Variants in GRK5 observed in about 807,000 individuals in gnomAD.
GRK5 encodes the protein g protein-coupled receptor kinase GRK5.
Under a neutral mutation model 78.4 loss-of-function variants are expected in GRK5, and 40 were observed. The observed-to-expected ratio is 0.51, with a 90% CI of 0.40 to 0.66. The LOEUF is 0.66. Among genes scored for constraint, GRK5 ranks in the 30% least tolerant of loss-of-function variants. The pLI is 0.00. For synonymous variants in GRK5, 289 were observed against 296.8 expected, an observed-to-expected ratio of 0.97 and a Z score of 0.27; for missense variants, 598 against 759.9, an observed-to-expected ratio of 0.79 and a Z score of 2.50.
At chr10:119,444,897 A>C (rs1182061271) in intron 12 of GRK5, among the ~76,000 whole-genome samples, 1 of 152,202 alleles carries the variant, frequency 6.6e-6, no homozygotes, top group Non-Finnish European at 1.5e-5. Flanking sequence ...TAAAAGTCGC[A>C]ATGCTTCTGC....
intron 2 of GRK5, among the ~76,000 whole-genome samples, chr10:119,356,876 C>T (rs575284129): frequency 3.0e-4 from 46 of 152,346 alleles, no homozygotes; most frequent in Admixed American, 9.8e-4. Context: ...ACTGATAAAA[C>T]GATAAAGGCT....
intron 1 of GRK5, among the ~76,000 whole-genome samples, chr10:119,226,079 C>G (rs1334141311): frequency 6.6e-6 from 1 of 151,808 alleles, no homozygotes; most frequent in Non-Finnish European, 1.5e-5. Context: ...GATCTCCCGA[C>G]CTCATGATCC....
At chr10:119,418,690 C>T (rs758398149) in intron 4 of GRK5, among the ~76,000 whole-genome samples, 1 of 152,198 alleles carries the variant, frequency 6.6e-6, no homozygotes, top group African/African-American at 2.4e-5. Flanking sequence ...CTCCCCTGCT[C>T]CTTCCAGTTA....
chr10:119,255,666 G>A (rs1006874466), intron 1 of GRK5, among the ~76,000 whole-genome samples: 6 of 152,210 alleles, frequency 3.9e-5, no homozygotes, highest in East Asian at 1.9e-4. Flanking sequence ...GCCTCTGGCC[G>A]TTCCCGCCAT....
At chr10:119,373,281 G>C (rs1589770755) in intron 2 of GRK5, among the ~76,000 whole-genome samples, 1 of 152,204 alleles carries the variant, frequency 6.6e-6, no homozygotes, top group Non-Finnish European at 1.5e-5. Context: ...TTCTGATTCA[G>C]TCAGTAGGTG....
rs762165768 is a variant in GRK5 at position 119,415,081 on chromosome 10, CAAAAAA to C, written c.340-8068_340-8063del. Among the ~76,000 whole-genome samples, 159 of 75,740 alleles carry C rather than the reference CAAAAAA, an allele frequency of 2.1e-3. 3 individuals are homozygous for C. The East Asian group carries it at 0.031, about 15-fold the overall frequency. The allele number at this position is 75,740 out of a possible 152,430, so 49.7% of individuals were successfully genotyped here. A position where few individuals can be genotyped will look rare whatever the true frequency, so the allele number is the denominator to read the frequency against. On this transcript the variant is annotated intron_variant, in intron 4 of 15. Transcript: ENST00000392870. ...TGGGTGACAGAGTGAGACTCTGTCT[CAAAAAA>C]AAAAAAAAAAAAAAAAGAAAAAGAA...
rs952265161 is a variant in GRK5, at chr10:119,343,926, G to T, written c.148+17315G>T. On this transcript the variant is annotated intron_variant, in intron 2 of 15. Transcript: ENST00000392870. Reference sequence around the variant, plus strand: ...ACCCACTGTGTACGGCGTTTCTCAAGTATCCAGCCCAGGACTTGGGATGTA... The same window carrying T: ...ACCCACTGTGTACGGCGTTTCTCAATTATCCAGCCCAGGACTTGGGATGTA... 6.6e-5 allele frequency among the ~76,000 whole-genome samples: 10 copies of T among 152,188 alleles called. No homozygotes were observed. The East Asian group carries it at 1.9e-3, about 29-fold the overall frequency.
intron 1 of GRK5, among the ~76,000 whole-genome samples, chr10:119,275,613 GCACA>G (rs796867686): frequency 0.028 from 3,373 of 120,572 alleles, 42 homozygotes; most frequent in Non-Finnish European, 0.033. Context: ...TCTCTCTCTC[GCACA>G]CACACACACA....
intron 1 of GRK5, among the ~76,000 whole-genome samples, chr10:119,209,476 G>T (rs1848445343): frequency 7.0e-6 from 1 of 142,066 alleles, no homozygotes. Flanking sequence ...TGAGCTGTGT[G>T]TGTGTGTGTG....
intron 6 of GRK5, among the ~76,000 whole-genome samples, chr10:119,427,598 A>G (rs1056604665): frequency 7.7e-4 from 116 of 150,624 alleles, no homozygotes; most frequent in Non-Finnish European, 1.5e-3. Flanking sequence ...CAGCATCATC[A>G]CCATCATCAG....
At chr10:119,345,160 G>T (rs1341937020) in intron 2 of GRK5, among the ~76,000 whole-genome samples, 1 of 151,948 alleles carries the variant, frequency 6.6e-6, no homozygotes, top group East Asian at 1.9e-4. Context: ...AGTAGAGACG[G>T]GATTTCACCG....
chr10:119,413,819 G>A (rs779229212), intron 4 of GRK5, among the ~76,000 whole-genome samples: 9 of 152,146 alleles, frequency 5.9e-5, no homozygotes, highest in Admixed American at 1.3e-4. Context: ...GGCCGTGACT[G>A]TTAGGCCGGC....
chr10:119,315,296 C>T (rs180928924), intron 1 of GRK5, among the ~76,000 whole-genome samples: 71 of 152,306 alleles, frequency 4.7e-4, no homozygotes, highest in African/African-American at 1.6e-3. Flanking sequence ...TTGAGTCACT[C>T]GGTGACGCAG....
At chr10:119,260,536 G>A (rs1479964998) in intron 1 of GRK5, among the ~76,000 whole-genome samples, 3 of 151,918 alleles carry the variant, frequency 2.0e-5, no homozygotes, top group Non-Finnish European at 4.4e-5. Flanking sequence ...GGTTTTCCTA[G>A]GCAGAGGACC....
chr10:119,371,940 A>T (rs1851553827), intron 2 of GRK5, among the ~76,000 whole-genome samples: 1 of 152,160 alleles, frequency 6.6e-6, no homozygotes, highest in African/African-American at 2.4e-5. Context: ...CTTGCCCAAG[A>T]CCACACAGCC....
chr10:119,219,687 C>A (rs553231902), intron 1 of GRK5, among the ~76,000 whole-genome samples: 1 of 152,228 alleles, frequency 6.6e-6, no homozygotes, highest in African/African-American at 2.4e-5. Context: ...TGTCTTAACT[C>A]TGAAAAATGT....
At chr10:119,442,454 C>T (rs1222920421) in intron 11 of GRK5, among the ~76,000 whole-genome samples, 1 of 152,190 alleles carries the variant, frequency 6.6e-6, no homozygotes. Flanking sequence ...TTCACAAGAG[C>T]CCGCAAATGA....
At chr10:119,402,658 G>C (rs2133860786) in intron 4 of GRK5, among the ~76,000 whole-genome samples, 1 of 152,220 alleles carries the variant, frequency 6.6e-6, no homozygotes, top group African/African-American at 2.4e-5. Context: ...TTCGAGACCA[G>C]CCTGGCCAAC....
At chr10:119,270,118 G>A (rs1589713608) in intron 1 of GRK5, among the ~76,000 whole-genome samples, 1 of 152,148 alleles carries the variant, frequency 6.6e-6, no homozygotes, top group African/African-American at 2.4e-5. Flanking sequence ...TTACCTTCTT[G>A]GGGGCCTGTT....
Sources: allele counts gnomAD v4.1 joint callset (sites outside exome capture counted in the v4.1 genomes callset), GRCh38; gene constraint gnomAD v4.1.1; transcripts MANE v1.5; gene names NCBI Gene and HGNC (gene_info 2026-07-23, HGNC 2026-07-21).